Variants in GDAP1 observed in about 807,000 individuals in gnomAD.
GDAP1 encodes the protein ganglioside-induced differentiation-associated protein 1.
In GDAP1, 34 loss-of-function variants were observed where a neutral mutation model predicts 40.1. The ratio of observed to expected loss-of-function variants is 0.85; its 90% CI spans 0.64 to 1.13. The LOEUF is 1.13. Among genes scored for constraint, GDAP1 ranks in the 50% most tolerant of loss-of-function variants. The pLI is 0.00. For missense variants in GDAP1, 374 were observed against 433.7 expected (o/e 0.86, Z 1.22); for synonymous variants, 170 against 157.4 (o/e 1.08, Z -0.60).
chr8:74,435,142 T>C (rs1806072707), intron 2 of GDAP1, among the ~76,000 whole-genome samples: 1 of 152,222 alleles, frequency 6.6e-6, no homozygotes, highest in South Asian at 2.1e-4. Context: ...TGGAAATGAC[T>C]TCTTAGAAAT....
chr8:74,463,261 T>G, intron 2 of GDAP1, among the ~76,000 whole-genome samples: 1 of 140,834 alleles, frequency 7.1e-6, no homozygotes, highest in African/African-American at 2.7e-5. Context: ...AGACCAGCCT[T>G]AGGAACATAG....
In GDAP1 at chr8:74,365,804, A is replaced by C. The variant is rs557040712; in HGVS notation, c.*1437A>C. 5.1e-5 allele frequency: 23 copies of C among 453,698 alleles called. No homozygotes were observed. The East Asian group carries it at 1.5e-3, about 30-fold the overall frequency. The allele number at this position is 453,698 out of a possible 1,614,324, so 28.1% of individuals were successfully genotyped here. A position where few individuals can be genotyped will look rare whatever the true frequency, so the allele number is the denominator to read the frequency against. On this transcript the variant is annotated 3_prime_UTR_variant, in exon 6 of 6. Coordinates refer to ENST00000220822, the MANE Select transcript of GDAP1 (RefSeq NM_018972.4). ...TCCCGATTTACAAAAAAATTAATAAAACCTCCAGAGTAAACTCAGTCAAAC... is the reference window on the plus strand; with the variant it reads ...TCCCGATTTACAAAAAAATTAATAACACCTCCAGAGTAAACTCAGTCAAAC...
intron 2 of GDAP1, among the ~76,000 whole-genome samples, chr8:74,480,279 G>A (rs1242330662): frequency 6.6e-6 from 1 of 152,072 alleles, no homozygotes; most frequent in Non-Finnish European, 1.5e-5. Context: ...GAGCCACTGC[G>A]CCCGGCCGGC....
chr8:74,391,683 G>T (rs1810112222), intron 2 of GDAP1, among the ~76,000 whole-genome samples: 2 of 151,918 alleles, frequency 1.3e-5, no homozygotes, highest in Admixed American at 1.3e-4. Context: ...ATATCAATCA[G>T]TTATGGTCAA....
At chr8:74,420,849 TTTTTA>T (rs1805848141) in intron 2 of GDAP1, among the ~76,000 whole-genome samples, 1 of 152,104 alleles carries the variant, frequency 6.6e-6, no homozygotes, top group South Asian at 2.1e-4. Flanking sequence ...TGGTTAATGC[TTTTTA>T]TTTTATTTTA....
intron 5 of GDAP1, 146 bp downstream of exon 5, chr8:74,363,199 T>C (rs1427982164): frequency 3.3e-6 from 2 of 598,006 alleles, no homozygotes. Flanking sequence ...AATAATGATA[T>C]TGCACCCAGA....
chr8:74,482,120 G>T lies in GDAP1; in HGVS notation c.166-6558G>T, dbSNP rs148351220. On this transcript the variant is annotated intron_variant, in intron 2 of 2. Coordinates refer to the GDAP1 transcript ENST00000523640. ...AAACCAAACTGAAGGGTTTTTTTTT[G>T]GGGGGGGGGGGTCATCTTTCTTCCA... Among the ~76,000 whole-genome samples the T allele has an allele frequency of 6.2e-3, 87 of 14,142 alleles. 1 individual carries two copies. Among genetic ancestry groups the T allele is most frequent in the African/African-American group, 0.027 (36 of 1,330 alleles). The allele number at this position is 14,142 out of a possible 152,430, so 9.3% of individuals were successfully genotyped here. A position where few individuals can be genotyped will look rare whatever the true frequency, so the allele number is the denominator to read the frequency against.
chr8:74,437,360 A>G (rs1806105870), intron 2 of GDAP1, among the ~76,000 whole-genome samples: 1 of 152,232 alleles, frequency 6.6e-6, no homozygotes, highest in South Asian at 2.1e-4. Context: ...GGAATCTAGT[A>G]CTTTTAATTA....
intron 2 of GDAP1, among the ~76,000 whole-genome samples, chr8:74,373,661 A>G (rs1809794839): frequency 6.6e-6 from 1 of 152,222 alleles, no homozygotes; most frequent in African/African-American, 2.4e-5. Context: ...TTTTGGGCTG[A>G]GATGATGGGG....
At chr8:74,457,647 G>A (rs939251344) in intron 2 of GDAP1, among the ~76,000 whole-genome samples, 2 of 152,038 alleles carry the variant, frequency 1.3e-5, no homozygotes, top group East Asian at 1.9e-4. Flanking sequence ...TGTTCAACAT[G>A]TTAAACATCT....
At chr8:74,373,292 A>G (rs1291528488) in intron 2 of GDAP1, among the ~76,000 whole-genome samples, 2 of 152,214 alleles carry the variant, frequency 1.3e-5, no homozygotes, top group Non-Finnish European at 2.9e-5. Flanking sequence ...AATTCTGTGA[A>G]GAAAGTCATT....
intron 2 of GDAP1, among the ~76,000 whole-genome samples, chr8:74,471,222 C>A (rs1184994523): frequency 6.6e-6 from 1 of 152,050 alleles, no homozygotes; most frequent in Non-Finnish European, 1.5e-5. Flanking sequence ...ATGGTAGTTT[C>A]TTTTGCTGTG....
chr8:74,456,887 A>G (rs16938908), intron 2 of GDAP1, among the ~76,000 whole-genome samples: 11,977 of 152,098 alleles, frequency 0.079, 1,045 homozygotes, highest in African/African-American at 0.21. Flanking sequence ...TAAGAAAATG[A>G]TCTGTAAGGA....
chr8:74,465,466 C>CA lies in GDAP1; in HGVS notation c.166-23210dup, dbSNP rs577441545. Among the ~76,000 whole-genome samples, 1,226 of 152,242 alleles carry CA rather than the reference C, an allele frequency of 8.1e-3. 12 individuals are homozygous for CA. Among genetic ancestry groups the CA allele is most frequent in the Non-Finnish European group, 0.012 (825 of 68,020 alleles). On this transcript the variant is annotated intron_variant, in intron 2 of 2. Coordinates refer to the GDAP1 transcript ENST00000523640. The stretch of plus-strand genomic sequence containing the variant: ...TCCACCTCCACTGCCCCACAGAGTT[C>CA]AAGCCACCAAGTTCTCTGGACTAGA...
At chr8:74,433,478 C>T (rs1010865667) in intron 2 of GDAP1, among the ~76,000 whole-genome samples, 14 of 152,128 alleles carry the variant, frequency 9.2e-5, no homozygotes, top group South Asian at 6.2e-4. Flanking sequence ...ATCTGTACTA[C>T]AAAGGCACAG....
intron 2 of GDAP1, among the ~76,000 whole-genome samples, chr8:74,456,160 A>G (rs1806334048): frequency 6.6e-6 from 1 of 151,816 alleles, no homozygotes; most frequent in South Asian, 2.1e-4. Flanking sequence ...TACAATTGCA[A>G]TTTTTAGTAT....
chr8:74,439,613 G>T lies in GDAP1; in HGVS notation c.166-49065G>T, dbSNP rs965703440. 1.1e-3 allele frequency among the ~76,000 whole-genome samples: 169 copies of T among 149,380 alleles called. 5 individuals carry two copies. The highest frequency in any genetic ancestry group is 4.8e-4 in the Non-Finnish European group (32 of 67,194). The stretch of plus-strand genomic sequence containing the variant: ...AATAGGTGTTTTTTTTTGTTTGTTT[G>T]TTTTTTTTAATTTCTAATATTGTTT... On this transcript the variant is annotated intron_variant, in intron 2 of 2. Transcript: ENST00000523640.
At position 74,405,344 on chromosome 8, in the gene GDAP1, A is replaced by C. The variant is rs1038210777; in HGVS notation, c.165+54023A>C. 5.3e-5 allele frequency among the ~76,000 whole-genome samples: 8 copies of C among 150,344 alleles called. 2 individuals carry two copies. The highest frequency in any genetic ancestry group is 2.0e-4 in the African/African-American group (8 of 39,606). On this transcript the variant is annotated intron_variant, in intron 2 of 2. Transcript: ENST00000523640. ...TGAGATTTGGGTGGGGACACAGTCA[A>C]ACCATATCATTATGTAAATAGTTAT...
Position 74,452,350 on chromosome 8 carries a change from A to G in GDAP1, c.166-36328A>G, listed in dbSNP as rs1191434982. Among the ~76,000 whole-genome samples, 3 of 83,110 alleles carry G rather than the reference A, an allele frequency of 3.6e-5. No homozygotes were observed. In the East Asian group the frequency reaches 1.1e-3, roughly 29 times the overall value. 54.5% of individuals were successfully genotyped at this position (83,110 alleles called of 152,430 possible). On this transcript the variant is annotated intron_variant, in intron 2 of 2. Transcript: ENST00000523640. ...GACTATTTTGGCCATTATTTCCTCAAGTATTGTTTTTTTGGTCCATGTTTC... is the reference window on the plus strand; with the variant it reads ...GACTATTTTGGCCATTATTTCCTCAGGTATTGTTTTTTTGGTCCATGTTTC...
Sources: allele counts gnomAD v4.1 joint callset (sites outside exome capture counted in the v4.1 genomes callset), GRCh38; gene constraint gnomAD v4.1.1; transcripts MANE v1.5; gene names NCBI Gene and HGNC (gene_info 2026-07-23, HGNC 2026-07-21).